NBEA: variants seen among roughly 807,000 people sequenced by gnomAD.
NBEA encodes neurobeachin.
NBEA carries 44 observed loss-of-function variants against 343.4 expected under a neutral mutation model. The observed-to-expected ratio is 0.13, with a 90% confidence interval of 0.10 to 0.16. The LOEUF is 0.16. Ranked by LOEUF, NBEA falls within the 10% of genes least tolerant of loss-of-function variation. The pLI is 1.00. For synonymous variants in NBEA, 1,175 were observed against 1,238.7 expected (o/e 0.95, Z 1.08); for missense variants, 2,555 against 3,631.3 (o/e 0.70, Z 7.62).
In NBEA at chr13:35,211,078, C is replaced by G. The variant is rs1215168022; in HGVS notation, c.5547C>G (p.Ser1849=). The G allele has an allele frequency of 6.4e-7, 1 of 1,550,848 alleles. No individual in the cohort carries two copies. The highest frequency in any genetic ancestry group is 8.7e-7 in the Non-Finnish European group (1 of 1,146,500). Reference sequence around the variant, plus strand: ...GTGCCGTGGATTCAGGGTCCTCCTCCTCTTCCTCCTCTTCTAGTTTTGTGA... The same window carrying G: ...GTGCCGTGGATTCAGGGTCCTCCTCGTCTTCCTCCTCTTCTAGTTTTGTGA... The part of the protein sequence containing the change: ...TTGAVDSGSS[S]SSSSSSFVNG... The change falls in exon 33 of 59, where the codon TCC becomes TCG. Residue 1849 remains serine (S), a synonymous_variant. Coordinates refer to ENST00000379939, the MANE Select transcript of NBEA (RefSeq NM_001385012.1).
intron 34 of NBEA, among the ~76,000 whole-genome samples, chr13:35,249,153 A>C (rs75029032): frequency 1.4e-5 from 2 of 139,160 alleles, no homozygotes; most frequent in Non-Finnish European, 3.2e-5. Context: ...CCATCTTACA[A>C]AAAAAAAAAA....
At chr13:35,245,669 T>A (rs139242440) in intron 34 of NBEA, among the ~76,000 whole-genome samples, 1 of 152,262 alleles carries the variant, frequency 6.6e-6, no homozygotes, top group East Asian at 1.9e-4. Context: ...TAATCTGATA[T>A]GTTTTCCTTT....
At chr13:35,145,636 C>A (rs1013118588) in intron 18 of NBEA, among the ~76,000 whole-genome samples, 1 of 152,182 alleles carries the variant, frequency 6.6e-6, no homozygotes, top group African/African-American at 2.4e-5. Flanking sequence ...CCAGGAAATA[C>A]TATTTTCAGG....
intron 21 of NBEA, among the ~76,000 whole-genome samples, chr13:35,157,538 A>T (rs978003102): frequency 6.6e-6 from 1 of 152,136 alleles, no homozygotes; most frequent in Non-Finnish European, 1.5e-5. Context: ...GGGAACTTTA[A>T]TCTGAGCCAC....
chr13:35,428,947 C>A (rs1316752064), intron 38 of NBEA, among the ~76,000 whole-genome samples: 1 of 152,152 alleles, frequency 6.6e-6, no homozygotes, highest in East Asian at 1.9e-4. Context: ...TCCATTGAAA[C>A]CCAGTGAGTC....
chr13:35,612,570 A>G (rs2082572088), intron 48 of NBEA, among the ~76,000 whole-genome samples: 1 of 152,194 alleles, frequency 6.6e-6, no homozygotes, highest in South Asian at 2.1e-4. Flanking sequence ...TGTGTTCTTC[A>G]TAGTCAAAGA....
intron 17 of NBEA, among the ~76,000 whole-genome samples, chr13:35,124,179 A>T (rs938739883): frequency 6.6e-5 from 10 of 151,556 alleles, no homozygotes; most frequent in African/African-American, 2.4e-4. Flanking sequence ...TTACAAATGA[A>T]GCCAAGGAAG....
At chr13:35,151,361 T>TG (rs1468279296) in intron 18 of NBEA, among the ~76,000 whole-genome samples, 2 of 151,818 alleles carry the variant, frequency 1.3e-5, no homozygotes, top group Non-Finnish European at 2.9e-5. Flanking sequence ...CTGACCAACA[T>TG]GGAGAAACCC....
chr13:35,286,050 C>T (rs1594079852), intron 34 of NBEA, among the ~76,000 whole-genome samples: 1 of 152,092 alleles, frequency 6.6e-6, no homozygotes, highest in South Asian at 2.1e-4. Context: ...TCACATTCCC[C>T]ATAACTTCTT....
chr13:35,013,938 A>G (rs971063287), intron 1 of NBEA, among the ~76,000 whole-genome samples: 1 of 151,992 alleles, frequency 6.6e-6, no homozygotes, highest in African/African-American at 2.4e-5. Context: ...TTTAACATGT[A>G]TAATTTCTTT....
intron 38 of NBEA, among the ~76,000 whole-genome samples, chr13:35,373,059 A>G (rs2041534033): frequency 6.6e-6 from 1 of 152,136 alleles, no homozygotes; most frequent in African/African-American, 2.4e-5. Flanking sequence ...CTAGGACTGC[A>G]GGAGTCCATG....
intron 1 of NBEA, among the ~76,000 whole-genome samples, chr13:34,962,185 A>G (rs1054002534): frequency 1.3e-4 from 20 of 152,154 alleles, no homozygotes; most frequent in African/African-American, 4.8e-4. Context: ...TGAAATTTTT[A>G]AGATTTTTAA....
chr13:35,039,493 A>T (rs900693381), intron 1 of NBEA, among the ~76,000 whole-genome samples: 4 of 152,196 alleles, frequency 2.6e-5, no homozygotes, highest in African/African-American at 4.8e-5. Flanking sequence ...TGTAATGTTT[A>T]TATGAACTTG....
chr13:35,174,641 C>T (rs1284628164), intron 27 of NBEA, among the ~76,000 whole-genome samples: 1 of 152,040 alleles, frequency 6.6e-6, no homozygotes, highest in African/African-American at 2.4e-5. Context: ...ATATTATTTA[C>T]TGCTCACAGG....
At chr13:35,297,231 C>T (rs2036194959) in intron 35 of NBEA, among the ~76,000 whole-genome samples, 1 of 151,996 alleles carries the variant, frequency 6.6e-6, no homozygotes, top group African/African-American at 2.4e-5. Context: ...TTATTTCAAA[C>T]TCTTTTATTT....
intron 28 of NBEA, among the ~76,000 whole-genome samples, chr13:35,179,220 T>C (rs182487451): frequency 1.4e-3 from 206 of 151,722 alleles, no homozygotes; most frequent in Non-Finnish European, 2.2e-3. Context: ...TTCTGAGTCT[T>C]AACTTTTTCT....
chr13:34,956,524 G>T (rs1259639628), intron 1 of NBEA, among the ~76,000 whole-genome samples: 5 of 148,348 alleles, frequency 3.4e-5, no homozygotes, highest in African/African-American at 1.2e-4. Context: ...TTAAAATTTT[G>T]TTTTCAATTG....
At chr13:35,585,158 C>T (rs2081242929) in intron 46 of NBEA, among the ~76,000 whole-genome samples, 1 of 115,304 alleles carries the variant, frequency 8.7e-6, no homozygotes, top group Non-Finnish European at 1.8e-5. Flanking sequence ...CTGCCAGCCT[C>T]CGCCCACTCT....
Position 35,639,524 on chromosome 13 carries a change from A to G in NBEA, c.7618-6345A>G, listed in dbSNP as rs538438152. On this transcript the variant is annotated intron_variant, in intron 49 of 58. Coordinates refer to ENST00000379939, the MANE Select transcript of NBEA (RefSeq NM_001385012.1). ...CAGGTGGAACAGAAAGATGATATCA[A>G]TCACATGTATTTTTTTATTTTGTGT... Among the ~76,000 whole-genome samples the G allele has an allele frequency of 2.0e-5, 3 of 152,258 alleles. No individual in the cohort carries two copies. In the South Asian group the frequency reaches 6.2e-4, roughly 32 times the overall value.
Sources: allele counts gnomAD v4.1 joint callset (sites outside exome capture counted in the v4.1 genomes callset), GRCh38; gene constraint gnomAD v4.1.1; transcripts MANE v1.5; gene names NCBI Gene and HGNC (gene_info 2026-07-23, HGNC 2026-07-21).